APBB2: variants seen among roughly 807,000 people sequenced by gnomAD.
APBB2 encodes amyloid beta precursor protein binding family B member 2.
A neutral mutation model predicts 82.5 loss-of-function variants in APBB2; 38 were observed. The observed-to-expected ratio is 0.46, with a 90% CI of 0.36 to 0.60. The LOEUF (loss-of-function observed/expected upper bound fraction) is 0.60. APBB2 is among the 20% of genes least tolerant of loss of function. The pLI is 0.00. For missense variants in APBB2, 772 were observed against 972.3 expected (o/e 0.79, Z 2.74); for synonymous variants, 341 against 368.2 (o/e 0.93, Z 0.85).
Position 40,950,186 on chromosome 4 carries a change from C to A in APBB2, c.836-5113G>T, listed in dbSNP as rs560462676. 9.8e-5 allele frequency among the ~76,000 whole-genome samples: 15 copies of A among 152,326 alleles called. 1 individual carries two copies. The East Asian group carries it at 2.7e-3, about 27-fold the overall frequency. ...GCAAAAATTAAAAAGTATTACAATA[C>A]CAATTGTTGGCAGGCATGTAGAACA... On this transcript the variant is annotated intron_variant, in intron 6 of 17. Coordinates refer to ENST00000508593, the MANE Select transcript of APBB2 (RefSeq NM_004307.2).
chr4:41,146,343 A>AAAC (rs1760730817), intron 1 of APBB2, among the ~76,000 whole-genome samples: 1 of 150,476 alleles, frequency 6.6e-6, no homozygotes, highest in African/African-American at 2.5e-5. Flanking sequence ...AAAAAAAAAA[A>AAAC]AAAAACCCGG....
At chr4:40,876,446 G>A (rs1766924088) in intron 12 of APBB2, among the ~76,000 whole-genome samples, 3 of 152,120 alleles carry the variant, frequency 2.0e-5, no homozygotes, top group Admixed American at 6.5e-5. Flanking sequence ...TTACATAAAT[G>A]CAATCACACA....
intron 4 of APBB2, among the ~76,000 whole-genome samples, chr4:41,061,854 T>C (rs965460667): frequency 6.6e-6 from 1 of 152,226 alleles, no homozygotes; most frequent in African/African-American, 2.4e-5. Context: ...CAGTCTGACA[T>C]ACAAGCCTCA....
rs1230595627 is a variant in APBB2 at position 40,826,353 on chromosome 4, T to C, written c.1733-383A>G. ...CAGAGACATAGGAAGATAACTGAGTTCCCCCAGTAATCAACCCACGTTTTT... is the reference window on the plus strand; with the variant it reads ...CAGAGACATAGGAAGATAACTGAGTCCCCCCAGTAATCAACCCACGTTTTT... On this transcript the variant is annotated intron_variant, in intron 14 of 17. Coordinates refer to ENST00000508593, the MANE Select transcript of APBB2 (RefSeq NM_004307.2). The surrounding 1 kb of genome is among the most constrained non-coding windows in gnomAD (Gnocchi z 4.5). 6.7e-6 allele frequency among the ~76,000 whole-genome samples: 1 copy of C among 149,262 alleles called. No homozygotes were observed. The highest frequency in any genetic ancestry group is 2.5e-5 in the African/African-American group (1 of 40,646).
intron 1 of APBB2, among the ~76,000 whole-genome samples, chr4:41,196,052 G>A: frequency 2.6e-5 from 4 of 151,998 alleles, no homozygotes; most frequent in African/African-American, 9.7e-5. Flanking sequence ...CCAGCTACTT[G>A]GGAGGCTGAG....
rs1195072381 is a variant in APBB2 at position 41,213,267 on chromosome 4, C to T, written c.-417+1138G>A. ...CCGATGGCATCATTTTATGATAATC[C>T]TTTGGGTATTTCACGTAAGTAATTA... On this transcript the variant is annotated intron_variant, in intron 1 of 17. Transcript: ENST00000508593. Among the ~76,000 whole-genome samples, 4 of 152,198 alleles carry T rather than the reference C, an allele frequency of 2.6e-5. No homozygotes were observed. The South Asian group carries it at 6.2e-4, about 24-fold the overall frequency.
At chr4:41,149,827 C>T (rs549946642) in intron 1 of APBB2, among the ~76,000 whole-genome samples, 5 of 151,972 alleles carry the variant, frequency 3.3e-5, no homozygotes, top group South Asian at 2.1e-4. Flanking sequence ...GTAAGTCTCA[C>T]GAGATCTGAT....
chr4:40,824,841 G>A (rs1380375046), intron 15 of APBB2, among the ~76,000 whole-genome samples: 2 of 152,076 alleles, frequency 1.3e-5, no homozygotes, highest in Non-Finnish European at 2.9e-5. Flanking sequence ...GAAACCCCGT[G>A]CCTGGTAGGG....
chr4:40,848,999 G>C (rs1023237127), intron 12 of APBB2: 1 of 623,166 alleles, frequency 1.6e-6, no homozygotes. Flanking sequence ...CCACTGTCTG[G>C]CACATAGTAG....
chr4:40,830,816 C>T (rs759225210), intron 12 of APBB2, among the ~76,000 whole-genome samples: 1 of 152,124 alleles, frequency 6.6e-6, no homozygotes, highest in Non-Finnish European at 1.5e-5. Context: ...TGTCTGTAAT[C>T]CCAACGTTTT....
intron 3 of APBB2, among the ~76,000 whole-genome samples, chr4:41,071,502 G>A (rs1002167579): frequency 6.6e-5 from 10 of 152,006 alleles, no homozygotes; most frequent in Admixed American, 2.0e-4. Context: ...CCAACATGGC[G>A]AAACCCCATC....
At chr4:40,971,406 T>G (rs1275028723) in intron 6 of APBB2, among the ~76,000 whole-genome samples, 1 of 152,226 alleles carries the variant, frequency 6.6e-6, no homozygotes, top group South Asian at 2.1e-4. Flanking sequence ...ATTCTCTACT[T>G]ATTCATTCGA....
intron 3 of APBB2, among the ~76,000 whole-genome samples, chr4:41,078,928 G>T (rs978404614): frequency 1.3e-5 from 2 of 152,208 alleles, no homozygotes; most frequent in Non-Finnish European, 2.9e-5. Context: ...AACATTCCCA[G>T]AGTGTCTTAT....
At chr4:40,968,043 C>T (rs1158435254) in intron 6 of APBB2, among the ~76,000 whole-genome samples, 8 of 152,208 alleles carry the variant, frequency 5.3e-5, no homozygotes, top group Non-Finnish European at 1.0e-4. Context: ...ATTTCATCAA[C>T]AGCAGCAGCC....
intron 2 of APBB2, among the ~76,000 whole-genome samples, chr4:41,102,491 G>A (rs1486433706): frequency 1.3e-5 from 2 of 152,184 alleles, no homozygotes; most frequent in Admixed American, 1.3e-4. Flanking sequence ...CAATTTGAGT[G>A]TAACTCGAAT....
At chr4:40,897,929 AAAAAAAAAGTTAAC>A (rs1391357215) in intron 10 of APBB2, among the ~76,000 whole-genome samples, 2 of 151,270 alleles carry the variant, frequency 1.3e-5, no homozygotes, top group African/African-American at 2.4e-5. Context: ...CTGCCACTTA[AAAAAAAAAGTTAAC>A]AAAAAAAAAT....
At position 40,942,315 on chromosome 4, in the gene APBB2, C is replaced by T. The variant is rs536630011; in HGVS notation, c.1044+2550G>A. The stretch of plus-strand genomic sequence containing the variant: ...AATATGCACCTTTAACCAGCTTCCA[C>T]GGAGGGATAAGCCTTTGTCAATACA... On this transcript the variant is annotated intron_variant, in intron 7 of 17. Transcript: ENST00000508593. Among the ~76,000 whole-genome samples the T allele has an allele frequency of 2.1e-4, 32 of 152,212 alleles. No individual in the cohort carries two copies. In the South Asian group the frequency reaches 4.6e-3, roughly 22 times the overall value.
chr4:40,825,434 C>A (rs1403368339), intron 15 of APBB2, among the ~76,000 whole-genome samples: 2 of 152,256 alleles, frequency 1.3e-5, no homozygotes, highest in African/African-American at 2.4e-5. Context: ...CAACTACACT[C>A]TGCCCCTGGC....
At chr4:40,997,513 T>C (rs1005501956) in intron 6 of APBB2, among the ~76,000 whole-genome samples, 9 of 152,234 alleles carry the variant, frequency 5.9e-5, no homozygotes, top group Admixed American at 2.0e-4. Flanking sequence ...CCTACCTATT[T>C]GACTTTCTCT....
Sources: gnomAD v4.1 joint callset for allele counts (sites outside exome capture counted in the v4.1 genomes callset) on GRCh38, gnomAD v4.1.1 for gene constraint, Gnocchi (gnomAD v3.1) non-coding constraint, MANE v1.5 for transcripts, NCBI Gene and HGNC (gene_info 2026-07-23, HGNC 2026-07-21) for gene names.